The following LRRC8D variants were observed in gnomAD, a reference collection of about 807,000 sequenced individuals.
LRRC8D encodes leucine rich repeat containing 8 VRAC subunit D, also known as volume-regulated anion channel subunit LRRC8D.
In LRRC8D, 20 loss-of-function variants were observed where a neutral mutation model predicts 55.8. The observed-to-expected ratio is 0.36, with a 90% CI of 0.25 to 0.52. The LOEUF (loss-of-function observed/expected upper bound fraction) is 0.52. Ranked by LOEUF, LRRC8D falls within the 20% of genes least tolerant of loss-of-function variation. The pLI is 0.93. For missense variants in LRRC8D, 651 were observed against 1,030.8 expected, an observed-to-expected ratio of 0.63 and a Z score of 5.05; for synonymous variants, 352 against 377.0, an observed-to-expected ratio of 0.93 and a Z score of 0.77.
intron 1 of LRRC8D, chr1:89,843,372 A>G: frequency 3.5e-6 from 1 of 286,834 alleles, no homozygotes; most frequent in Non-Finnish European, 6.4e-6. Context: ...CTGCAAACGG[A>G]AGGGCTGTGA....
intron 2 of LRRC8D, among the ~76,000 whole-genome samples, chr1:89,885,817 A>G (rs1662404469): frequency 6.6e-6 from 1 of 152,092 alleles, no homozygotes; most frequent in Non-Finnish European, 1.5e-5. Flanking sequence ...TCCTCAAACC[A>G]TGGCTTCAGG....
intron 2 of LRRC8D, among the ~76,000 whole-genome samples, chr1:89,846,082 G>C (rs1661271681): frequency 6.6e-6 from 1 of 152,060 alleles, no homozygotes; most frequent in Non-Finnish European, 1.5e-5. Flanking sequence ...CCCAGCCACT[G>C]CCTCTACTTT....
chr1:89,838,196 TA>T (rs202026062), intron 1 of LRRC8D, among the ~76,000 whole-genome samples: 2,580 of 79,970 alleles, frequency 0.032, 93 homozygotes, highest in African/African-American at 0.071. Context: ...CCCTGTCCCT[TA>T]AAAAAAAAAA....
chr1:89,859,357 A>G (rs1661640949), intron 2 of LRRC8D, among the ~76,000 whole-genome samples: 2 of 152,122 alleles, frequency 1.3e-5, no homozygotes, highest in Admixed American at 6.5e-5. Context: ...TACTATCTTA[A>G]CACATTTATC....
At chr1:89,872,995 G>A (rs1208397971) in intron 2 of LRRC8D, among the ~76,000 whole-genome samples, 3 of 152,172 alleles carry the variant, frequency 2.0e-5, no homozygotes, top group Admixed American at 2.0e-4. Flanking sequence ...AATAAAAATT[G>A]ATATTACAAG....
intron 2 of LRRC8D, among the ~76,000 whole-genome samples, chr1:89,865,407 C>T (rs993572360): frequency 5.4e-5 from 8 of 148,674 alleles, no homozygotes; most frequent in Admixed American, 1.3e-4. Context: ...ATTTTAAAAT[C>T]GCAAATACAA....
At chr1:89,822,172 C>G (rs1447960270) in intron 1 of LRRC8D, 1 of 152,588 alleles carries the variant, frequency 6.6e-6, no homozygotes, top group Non-Finnish European at 1.5e-5. Flanking sequence ...TGCTGCAGGT[C>G]GAGGGGAAGA....
chr1:89,866,083 A>G (rs1370229044), intron 2 of LRRC8D, among the ~76,000 whole-genome samples: 1 of 152,230 alleles, frequency 6.6e-6, no homozygotes, highest in Non-Finnish European at 1.5e-5. Flanking sequence ...ACATACCTTC[A>G]TGTCATTTGA....
At chr1:89,923,507 C>G (rs1429595321) in intron 2 of LRRC8D, among the ~76,000 whole-genome samples, 2 of 152,042 alleles carry the variant, frequency 1.3e-5, no homozygotes, top group East Asian at 3.8e-4. Context: ...GCCATACTTC[C>G]CAAAGCAATA....
chr1:89,850,722 C>G (rs6669181), intron 2 of LRRC8D, among the ~76,000 whole-genome samples: 2,913 of 152,256 alleles, frequency 0.019, 102 homozygotes, highest in African/African-American at 0.064. Flanking sequence ...GACTCCATTT[C>G]TTTACTATTG....
Position 89,934,357 on chromosome 1 carries a change from A to T in LRRC8D, c.1289A>T (p.Tyr430Phe), listed in dbSNP as rs558309156. ...ATGGTAGACCAGTATGACCAGCTAT[A>T]TTCCAAGCGTTTTGGTGTGTTCTTG... ...LHMVDQYDQLYSKRFGVFLSE... is the reference protein window; with the variant it reads ...LHMVDQYDQLFSKRFGVFLSE... Residue 430 changes from tyrosine (Y) to phenylalanine (F), a missense_variant, in exon 3 of 3, where the codon TAT becomes TTT. Tyr to Phe is a conservative substitution (Grantham distance 22). Transcript: ENST00000337338. The surrounding 1 kb of genome is among the most constrained non-coding windows in gnomAD (Gnocchi z 5.9). 6.2e-7 allele frequency: 1 copy of T among 1,613,866 alleles called. No homozygotes were observed. Among genetic ancestry groups the T allele is most frequent in the South Asian group, 1.1e-5 (1 of 91,086 alleles).
In LRRC8D at chr1:89,911,573, C is replaced by G. The variant is rs1458736753; in HGVS notation, c.-2-21494C>G. The stretch of plus-strand genomic sequence containing the variant: ...TTTTACCCCTCTACTCCTTTCCTAT[C>G]CTGAAAAATACACCCTCCCATCATA... On this transcript the variant is annotated intron_variant, in intron 2 of 2. Transcript: ENST00000337338. The surrounding 1 kb of genome is among the most constrained non-coding windows in gnomAD (Gnocchi z 4.0). Among the ~76,000 whole-genome samples, 1 of 152,182 alleles carries G rather than the reference C, an allele frequency of 6.6e-6. No individual in the cohort carries two copies. Among genetic ancestry groups the G allele is most frequent in the African/African-American group, 2.4e-5 (1 of 41,432 alleles).
intron 2 of LRRC8D, among the ~76,000 whole-genome samples, chr1:89,924,594 A>G (rs1018492770): frequency 1.3e-5 from 2 of 152,230 alleles, no homozygotes; most frequent in African/African-American, 2.4e-5. Flanking sequence ...AAATCATTCT[A>G]CAAAAAAGAT....
intron 2 of LRRC8D, among the ~76,000 whole-genome samples, chr1:89,893,026 T>C (rs1052358481): frequency 2.6e-5 from 4 of 152,334 alleles, no homozygotes; most frequent in African/African-American, 9.6e-5. Context: ...ACAGGTACTG[T>C]CCTAGGTGCT....
intron 1 of LRRC8D, among the ~76,000 whole-genome samples, chr1:89,835,186 G>T (rs887776479): frequency 1.3e-5 from 2 of 152,342 alleles, no homozygotes; most frequent in Non-Finnish European, 2.9e-5. Flanking sequence ...GCCTGGGAAA[G>T]TGTGTTTTGA....
At chr1:89,821,548 C>G (rs1660632074) in intron 1 of LRRC8D, among the ~76,000 whole-genome samples, 1 of 152,124 alleles carries the variant, frequency 6.6e-6, no homozygotes, top group Non-Finnish European at 1.5e-5. Flanking sequence ...GCTTCGGCCC[C>G]GGGCGGCCGG....
intron 2 of LRRC8D, among the ~76,000 whole-genome samples, chr1:89,849,531 C>G (rs1661360099): frequency 6.6e-6 from 1 of 151,438 alleles, no homozygotes; most frequent in Non-Finnish European, 1.5e-5. Flanking sequence ...TGCTGCCAAC[C>G]TGATAAATGT....
intron 2 of LRRC8D, among the ~76,000 whole-genome samples, chr1:89,926,769 G>A (rs767838534): frequency 6.6e-6 from 1 of 152,190 alleles, no homozygotes; most frequent in Non-Finnish European, 1.5e-5. Flanking sequence ...AAAGTAGCTT[G>A]CAAACCGAAA....
At chr1:89,901,060 T>G (rs1315057383) in intron 2 of LRRC8D, among the ~76,000 whole-genome samples, 1 of 152,212 alleles carries the variant, frequency 6.6e-6, no homozygotes, top group Non-Finnish European at 1.5e-5. Context: ...TGACCATGCA[T>G]TTCTAGTCCA....
Sources: gnomAD v4.1 joint callset for allele counts (sites outside exome capture counted in the v4.1 genomes callset) on GRCh38, gnomAD v4.1.1 for gene constraint, Gnocchi (gnomAD v3.1) non-coding constraint, MANE v1.5 for transcripts, NCBI Gene and HGNC (gene_info 2026-07-23, HGNC 2026-07-21) for gene names.